Variants in PDLIM4 observed in about 807,000 individuals in gnomAD.
PDLIM4 encodes PDZ and LIM domain protein 4.
In PDLIM4, 19 loss-of-function variants were observed where a neutral mutation model predicts 31.3. The ratio of observed to expected loss-of-function variants is 0.61; its 90% CI spans 0.42 to 0.89. The LOEUF (loss-of-function observed/expected upper bound fraction) is 0.89. PDLIM4 is among the 40% of genes least tolerant of loss of function. PDLIM4 has a pLI of 0.00. For synonymous variants in PDLIM4, 176 were observed against 190.1 expected (o/e 0.93, Z 0.61); for missense variants, 442 against 461.1 (o/e 0.96, Z 0.38).
intron 2 of PDLIM4, 81 bp from the exon 3 acceptor site, chr5:132,266,383 G>A: frequency 1.1e-6 from 1 of 906,194 alleles, no homozygotes; most frequent in Non-Finnish European, 1.8e-6. Flanking sequence ...ACAGCCCAGA[G>A]CCCAGCCCCT....
intron 1 of PDLIM4, among the ~76,000 whole-genome samples, chr5:132,260,102 A>C (rs1361817847): frequency 2.0e-5 from 3 of 152,206 alleles, no homozygotes; most frequent in African/African-American, 7.2e-5. Context: ...AGAGAAGCAG[A>C]GTGGAGACAG....
At chr5:132,259,973 G>A (rs1756338371) in intron 1 of PDLIM4, among the ~76,000 whole-genome samples, 1 of 152,140 alleles carries the variant, frequency 6.6e-6, no homozygotes, top group Non-Finnish European at 1.5e-5. Flanking sequence ...GCCTCCTGTG[G>A]GGGCTTTACA....
intron 3 of PDLIM4, among the ~76,000 whole-genome samples, chr5:132,268,028 G>A (rs775662492): frequency 5.9e-5 from 9 of 152,182 alleles, no homozygotes; most frequent in Non-Finnish European, 1.2e-4. Flanking sequence ...GACGTGGTGG[G>A]GAGGGGGTTC....
chr5:132,266,988 T>A (rs1756505846), intron 3 of PDLIM4, among the ~76,000 whole-genome samples: 1 of 152,216 alleles, frequency 6.6e-6, no homozygotes, highest in Admixed American at 6.5e-5. Context: ...TGAAGTTCTC[T>A]CCTGGCCATC....
rs145120749 is a variant in PDLIM4 at position 132,263,576 on chromosome 5, C to A, written c.245+816C>A. Reference sequence around the variant, plus strand: ...TTACTCAGCTCTGAGAAGCAGTTGGCCTAAGCCTGGCTGAGTGGGATCTCC... The same window carrying A: ...TTACTCAGCTCTGAGAAGCAGTTGGACTAAGCCTGGCTGAGTGGGATCTCC... On this transcript the variant is annotated intron_variant, in intron 2 of 6. Transcript: ENST00000253754. Among the ~76,000 whole-genome samples, 34 of 152,310 alleles carry A rather than the reference C, an allele frequency of 2.2e-4. No homozygotes were observed. The East Asian group carries it at 6.4e-3, about 29-fold the overall frequency.
intron 2 of PDLIM4, among the ~76,000 whole-genome samples, chr5:132,263,109 T>C (rs577257754): frequency 1.3e-5 from 2 of 152,260 alleles, no homozygotes; most frequent in South Asian, 4.1e-4. Flanking sequence ...CATTTCAAAG[T>C]AGTTTCTTGT....
Position 132,272,335 on chromosome 5 carries a change from T to C in PDLIM4, c.*106T>C. Reference sequence around the variant, plus strand: ...AAGCTCCTCTGCTCCACCTTGAACCTGTCACCTGGCCTGCCACCCTCCTGC... The same window carrying C: ...AAGCTCCTCTGCTCCACCTTGAACCCGTCACCTGGCCTGCCACCCTCCTGC... On this transcript the variant is annotated 3_prime_UTR_variant, in exon 7 of 7. Coordinates refer to ENST00000253754, the MANE Select transcript of PDLIM4 (RefSeq NM_003687.4). 1 of 947,646 alleles carries C rather than the reference T, an allele frequency of 1.1e-6. No homozygotes were observed. Among genetic ancestry groups the C allele is most frequent in the Non-Finnish European group, 1.6e-6 (1 of 611,500 alleles). The allele number at this position is 947,646 out of a possible 1,614,324, so 58.7% of individuals were successfully genotyped here.
At chr5:132,270,822 C>T in intron 3 of PDLIM4, 93 bp from the exon 4 acceptor site, 1 of 1,133,288 alleles carries the variant, frequency 8.8e-7, no homozygotes, top group Non-Finnish European at 1.3e-6. Context: ...TGACATCCAC[C>T]ACCTGGCACA....
chr5:132,271,273 C>T, intron 4 of PDLIM4, 30 bp from the exon 5 acceptor site: 1 of 1,571,918 alleles, frequency 6.4e-7, no homozygotes, highest in Non-Finnish European at 8.6e-7. Context: ...AACTGCATCC[C>T]TTCCTCCTCT....
chr5:132,262,695 G>A lies in PDLIM4; in HGVS notation c.180G>A (p.Met60Ile). 6.2e-7 allele frequency: 1 copy of A among 1,613,662 alleles called. No individual in the cohort carries two copies. ...QAINGESTEL[M>I]THLEAQNRIK... Reference sequence around the variant, plus strand: ...TCAATGGTGAGAGCACAGAGCTCATGACACACCTGGAGGCACAGAACCGCA... The same window carrying A: ...TCAATGGTGAGAGCACAGAGCTCATAACACACCTGGAGGCACAGAACCGCA... The change falls in exon 2 of 7, where the codon ATG becomes ATA. Residue 60 changes from methionine (M) to isoleucine (I), a missense_variant. Met to Ile is a conservative substitution (Grantham distance 10). Transcript: ENST00000253754.
intron 3 of PDLIM4, among the ~76,000 whole-genome samples, chr5:132,269,707 CATCCTT>C (rs1756564903): frequency 6.6e-6 from 1 of 152,192 alleles, no homozygotes; most frequent in Non-Finnish European, 1.5e-5. Context: ...CTACGATAGG[CATCCTT>C]TCCTGTCCAC....
intron 2 of PDLIM4, among the ~76,000 whole-genome samples, chr5:132,262,983 G>A (rs1756410122): frequency 6.6e-6 from 1 of 152,222 alleles, no homozygotes; most frequent in South Asian, 2.1e-4. Flanking sequence ...ACTTAGACTA[G>A]AAGTGTGTTG....
At chr5:132,258,687 G>T (rs1208626640) in intron 1 of PDLIM4, among the ~76,000 whole-genome samples, 1 of 152,236 alleles carries the variant, frequency 6.6e-6, no homozygotes, top group Non-Finnish European at 1.5e-5. Flanking sequence ...CTCAGACCCT[G>T]CCCTTGGGGG....
rs1554079744 is a variant in PDLIM4, at chr5:132,258,079, C to T, written c.93+252C>T. 2.6e-5 allele frequency among the ~76,000 whole-genome samples: 4 copies of T among 152,222 alleles called. No homozygotes were observed. The South Asian group carries it at 8.3e-4, about 32-fold the overall frequency. On this transcript the variant is annotated intron_variant, in intron 1 of 6. Coordinates refer to ENST00000253754, the MANE Select transcript of PDLIM4 (RefSeq NM_003687.4). ...GTTCACGCACCCGCCTCCCCGCTGG[C>T]CTCATCTGGGGGAGCCACTGTGGAC...
intron 1 of PDLIM4, among the ~76,000 whole-genome samples, chr5:132,262,271 A>G (rs1756390537): frequency 6.6e-6 from 1 of 152,104 alleles, no homozygotes. Flanking sequence ...TGTATCTGTG[A>G]GCACCTATGT....
chr5:132,259,137 C>CTGTGTGTGTGTGTGTGTG (rs70974028), intron 1 of PDLIM4, among the ~76,000 whole-genome samples: 232 of 146,196 alleles, frequency 1.6e-3, no homozygotes, highest in East Asian at 8.5e-3. Context: ...AGGATTCCTG[C>CTGTGTGTGTGTGTGTGTG]TGTGTGTGTG....
chr5:132,260,759 G>A (rs1373125142), intron 1 of PDLIM4, among the ~76,000 whole-genome samples: 1 of 152,196 alleles, frequency 6.6e-6, no homozygotes, highest in Non-Finnish European at 1.5e-5. Context: ...TCTAGGAAAT[G>A]GGCTTGCCTT....
intron 3 of PDLIM4, among the ~76,000 whole-genome samples, chr5:132,269,967 G>A (rs978308530): frequency 4.2e-5 from 6 of 144,364 alleles, no homozygotes; most frequent in Admixed American, 2.8e-4. Flanking sequence ...AGGTGCATAT[G>A]TGTTGTCCTT....
chr5:132,270,890 A>T, intron 3 of PDLIM4, 25 bp from the exon 4 acceptor site: 2 of 1,609,736 alleles, frequency 1.2e-6, no homozygotes, highest in Non-Finnish European at 1.7e-6. Context: ...AGGGTCTCCC[A>T]GTGCCTTAGG....
Sources: gnomAD v4.1 joint callset for allele counts (sites outside exome capture counted in the v4.1 genomes callset) on GRCh38, gnomAD v4.1.1 for gene constraint, MANE v1.5 for transcripts, NCBI Gene and HGNC (gene_info 2026-07-23, HGNC 2026-07-21) for gene names.